ANKRD27: variants seen among roughly 807,000 people sequenced by gnomAD.
The protein encoded by ANKRD27 is ankyrin repeat domain 27, also known as ankyrin repeat domain-containing protein 27.
Under a neutral mutation model 129.7 loss-of-function variants are expected in ANKRD27, and 112 were observed. The ratio of observed to expected loss-of-function variants is 0.86; its 90% CI spans 0.74 to 1.01. The LOEUF (loss-of-function observed/expected upper bound fraction) is 1.01. Ranked by LOEUF, ANKRD27 falls within the 50% of genes least tolerant of loss-of-function variation. The pLI, the probability that ANKRD27 is intolerant of heterozygous loss-of-function variation, is 0.00. For synonymous variants in ANKRD27, 516 were observed against 511.2 expected, an observed-to-expected ratio of 1.01 and a Z score of -0.13; for missense variants, 1,258 against 1,300.5, an observed-to-expected ratio of 0.97 and a Z score of 0.50.
At chr19:32,648,063 T>TG (rs1385384478) in intron 3 of ANKRD27, among the ~76,000 whole-genome samples, 1 of 152,112 alleles carries the variant, frequency 6.6e-6, no homozygotes, top group Non-Finnish European at 1.5e-5. Flanking sequence ...GTCAGGAGTT[T>TG]GAGACCAGCC....
Position 32,604,305 on chromosome 19 carries a change from C to A in ANKRD27, c.2613G>T (p.Val871=). The A allele has an allele frequency of 6.2e-7, 1 of 1,613,860 alleles. No homozygotes were observed. Among genetic ancestry groups the A allele is most frequent in the Non-Finnish European group, 8.5e-7 (1 of 1,180,016 alleles). ...CAGCCGTGCGCTGCCGCTTGTTCAG[C>A]ACCTGAACTGACGCTCCGTGGAGCA... The part of the protein sequence containing the change: ...LLLLHGASVQ[V]LNKRQRTAVD... Residue 871 remains valine (V), a synonymous_variant, in exon 25 of 29, where the codon GTG becomes GTT. Coordinates refer to ENST00000306065, the MANE Select transcript of ANKRD27 (RefSeq NM_032139.3).
intron 1 of ANKRD27, among the ~76,000 whole-genome samples, chr19:32,661,447 C>T (rs10411793): frequency 0.1 from 15,522 of 152,088 alleles, 2,518 homozygotes; most frequent in African/African-American, 0.34. Context: ...CTCCCACCTC[C>T]CACCTCAGCC....
In ANKRD27 at chr19:32,598,249, G is replaced by A. The variant is rs138242852; in HGVS notation, c.3049C>T (p.Arg1017Trp). Residue 1017 changes from arginine (R) to tryptophan (W), a missense_variant, in exon 29 of 29, where the codon CGG (arginine) becomes TGG (tryptophan). Arg to Trp is a moderately radical substitution (Grantham distance 101, BLOSUM62 -3). Coordinates refer to ENST00000306065, the MANE Select transcript of ANKRD27 (RefSeq NM_032139.3). ...TCTACCGTGTGTCTCCGCAGCATCC[G>A]TCTGTGTCCAGGGCCAGTCTGTGTC... ...GLTQTGPGHR[R>W]MLRRHTVEDA... 187 of 1,614,122 alleles carry A rather than the reference G, an allele frequency of 1.2e-4. No homozygotes were observed. The African/African-American group carries it at 2.3e-3, about 19-fold the overall frequency.
In ANKRD27 at chr19:32,631,458, G is replaced by A. The variant is rs1219430725; in HGVS notation, c.1153C>T (p.Gln385Ter). 1.9e-6 allele frequency: 3 copies of A among 1,614,042 alleles called. No homozygotes were observed. The highest frequency in any genetic ancestry group is 2.5e-6 in the Non-Finnish European group (3 of 1,180,018). The part of the protein sequence containing the change: ...EGFGDRLFLK[Q>*]RMSLLSQMTS... ...ATCTGAGAGAGTAAGCTCATTCTCTGCTTAAGGAACAGCCTGTCTCCAAAT... is the reference window on the plus strand; with the variant it reads ...ATCTGAGAGAGTAAGCTCATTCTCTACTTAAGGAACAGCCTGTCTCCAAAT... The change falls in exon 13 of 29, where the codon CAG becomes TAG. Residue 385 changes from glutamine (Q) to a stop codon, truncating the protein, a stop_gained. Transcript: ENST00000306065. LOFTEE classifies it high-confidence loss of function.
intron 3 of ANKRD27, among the ~76,000 whole-genome samples, chr19:32,647,224 G>A (rs962279004): frequency 1.3e-5 from 2 of 152,152 alleles, no homozygotes; most frequent in African/African-American, 4.8e-5. Context: ...GTTGCGTATC[G>A]CAGACTCTCC....
chr19:32,649,956 G>C (rs547734155), intron 2 of ANKRD27, among the ~76,000 whole-genome samples, 164 bp from the exon 3 acceptor site: 9 of 152,306 alleles, frequency 5.9e-5, no homozygotes, highest in Non-Finnish European at 1.3e-4. Context: ...TGCCAGCTGA[G>C]GTGATCTGCT....
chr19:32,659,911 A>C (rs554874110), intron 1 of ANKRD27, among the ~76,000 whole-genome samples: 50 of 152,208 alleles, frequency 3.3e-4, no homozygotes, highest in Admixed American at 9.2e-4. Flanking sequence ...TACAAAAAAA[A>C]CCAATTATCT....
chr19:32,636,247 A>AT (rs372483906), intron 12 of ANKRD27: 244 of 165,216 alleles, frequency 1.5e-3, no homozygotes, highest in African/African-American at 5.2e-3. Flanking sequence ...TCCAACTGTG[A>AT]TAAGCCTGCA....
chr19:32,641,288 G>A (rs373504799), intron 10 of ANKRD27, among the ~76,000 whole-genome samples: 1 of 151,906 alleles, frequency 6.6e-6, no homozygotes, highest in South Asian at 2.1e-4. Context: ...AGAGCCCAGG[G>A]AGGTGGCTTC....
At chr19:32,665,576 C>G (rs1373030565) in intron 1 of ANKRD27, among the ~76,000 whole-genome samples, 1 of 152,038 alleles carries the variant, frequency 6.6e-6, no homozygotes, top group Non-Finnish European at 1.5e-5. Context: ...TCTCCTGCCT[C>G]AGCCTCTCAA....
chr19:32,597,410 G>GTGAC lies in ANKRD27; in HGVS notation c.*731_*734dup, dbSNP rs1971585985. The GTGAC allele has an allele frequency of 1.3e-5, 2 of 152,712 alleles. No homozygotes were observed. Among genetic ancestry groups the GTGAC allele is most frequent in the African/African-American group, 4.8e-5 (2 of 41,460 alleles). The allele number at this position is 152,712 out of a possible 1,614,324, so 9.5% of individuals were successfully genotyped here. On this transcript the variant is annotated 3_prime_UTR_variant, in exon 29 of 29. Transcript: ENST00000306065. ...AGTAACCATCCCGTCAGGTGTGAGT[G>GTGAC]TGACAGACATTCAAGGGAGGTTCTC...
chr19:32,615,529 G>T, intron 22 of ANKRD27, 129 bp downstream of exon 22: 1 of 1,476,710 alleles, frequency 6.8e-7, no homozygotes, highest in Non-Finnish European at 9.3e-7. Flanking sequence ...GGCTGCAGTG[G>T]GTCATGACTG....
intron 17 of ANKRD27, among the ~76,000 whole-genome samples, chr19:32,623,094 G>T (rs1972038686): frequency 6.6e-6 from 1 of 152,026 alleles, no homozygotes; most frequent in Non-Finnish European, 1.5e-5. Flanking sequence ...GCTCAGCCAG[G>T]ACACCTCATG....
chr19:32,664,014 C>T (rs1184748699), intron 1 of ANKRD27, among the ~76,000 whole-genome samples: 34 of 142,068 alleles, frequency 2.4e-4, no homozygotes, highest in Non-Finnish European at 2.0e-4. Flanking sequence ...CGAGATCCCG[C>T]CACTGCACTC....
At chr19:32,629,452 C>A (rs1966950647) in intron 13 of ANKRD27, among the ~76,000 whole-genome samples, 1 of 152,124 alleles carries the variant, frequency 6.6e-6, no homozygotes, top group African/African-American at 2.4e-5. Flanking sequence ...ATAATCCCAG[C>A]ACTTTGGGAG....
At position 32,646,681 on chromosome 19, in the gene ANKRD27, C is replaced by T. The variant is rs967032912; in HGVS notation, c.214-66G>A. 3 of 1,550,868 alleles carry T rather than the reference C, an allele frequency of 1.9e-6. No individual in the cohort carries two copies. The African/African-American group carries it at 4.1e-5, about 21-fold the overall frequency. ...AACCACATCCCACTCTCAGCCTGGC[C>T]CCCGATGCAGCACTTAACCAGACCC... is the stretch of plus-strand genomic sequence containing the variant. On this transcript the variant is annotated intron_variant, in intron 3 of 28. Transcript: ENST00000306065.
chr19:32,637,959 A>G (rs1967123246), intron 12 of ANKRD27: 1 of 152,346 alleles, frequency 6.6e-6, no homozygotes, highest in Non-Finnish European at 1.5e-5. Context: ...TAGTCAAGGT[A>G]GGGGCTGAGG....
In ANKRD27 at chr19:32,652,427, T is replaced by A. The variant is rs567918513; in HGVS notation, c.103-2635A>T. On this transcript the variant is annotated intron_variant, in intron 2 of 28. Transcript: ENST00000306065. ...CAATACGGTGAAACCACGTCTCTACTACTAAAAATACAAAAATTAGCCAGG... is the reference window on the plus strand; with the variant it reads ...CAATACGGTGAAACCACGTCTCTACAACTAAAAATACAAAAATTAGCCAGG... 2.9e-4 allele frequency among the ~76,000 whole-genome samples: 43 copies of A among 150,606 alleles called. No homozygotes were observed. The South Asian group carries it at 8.6e-3, about 30-fold the overall frequency.
chr19:32,664,792 C>G (rs1967716818), intron 1 of ANKRD27, among the ~76,000 whole-genome samples: 1 of 149,756 alleles, frequency 6.7e-6, no homozygotes, highest in African/African-American at 2.5e-5. Context: ...TTACAAAATA[C>G]AAAAATTAGC....
Sources: gnomAD v4.1 joint callset for allele counts (sites outside exome capture counted in the v4.1 genomes callset) on GRCh38, gnomAD v4.1.1 for gene constraint, MANE v1.5 for transcripts, NCBI Gene and HGNC (gene_info 2026-07-23, HGNC 2026-07-21) for gene names.